CMC1: variants seen among roughly 807,000 people sequenced by gnomAD.
CMC1 encodes C-X9-C motif containing 1, also known as COX assembly mitochondrial protein homolog.
In CMC1, 14 loss-of-function variants were observed where a neutral mutation model predicts 14.1. That is an observed-to-expected ratio of 0.99 (90% confidence interval 0.66 to 1.55). The LOEUF (loss-of-function observed/expected upper bound fraction) is 1.55. CMC1 is among the 40% of genes most tolerant of loss of function. The pLI is 0.00. For missense variants in CMC1, 127 were observed against 123.8 expected, an observed-to-expected ratio of 1.03 and a Z score of -0.12; for synonymous variants, 50 against 38.4, an observed-to-expected ratio of 1.30 and a Z score of -1.12.
intron 2 of CMC1, among the ~76,000 whole-genome samples, chr3:28,285,793 G>A (rs1302466918): frequency 6.8e-6 from 1 of 147,710 alleles, no homozygotes; most frequent in East Asian, 2.0e-4. Context: ...TTGAGACAGA[G>A]TCTTGCTCTG....
Position 28,256,611 on chromosome 3 carries a change from A to G in CMC1, c.20-6680A>G, listed in dbSNP as rs542487012. Among the ~76,000 whole-genome samples the G allele has an allele frequency of 3.1e-4, 47 of 152,280 alleles. No homozygotes were observed. In the South Asian group the frequency reaches 9.3e-3, roughly 30 times the overall value. ...GAGAATAATCTTTGTTTTATACACA[A>G]TGTTCTAGATAATATAAAGGGAGAG... On this transcript the variant is annotated intron_variant, in intron 1 of 3. Coordinates refer to ENST00000466830, the MANE Select transcript of CMC1 (RefSeq NM_182523.2).
intron 2 of CMC1, among the ~76,000 whole-genome samples, chr3:28,306,310 A>G (rs1368143544): frequency 6.6e-6 from 1 of 152,136 alleles, no homozygotes; most frequent in Non-Finnish European, 1.5e-5. Flanking sequence ...GACACTTTCA[A>G]TCCATGAGCA....
At chr3:28,305,451 G>T (rs927070075) in intron 2 of CMC1, among the ~76,000 whole-genome samples, 4 of 152,134 alleles carry the variant, frequency 2.6e-5, no homozygotes, top group African/African-American at 9.7e-5. Flanking sequence ...CCAGTAGTGG[G>T]ATTATCCAGT....
At position 28,283,403 on chromosome 3, in the gene CMC1, C is replaced by T. The variant is rs150159557; in HGVS notation, c.109+20023C>T. 9.3e-3 allele frequency among the ~76,000 whole-genome samples: 1,413 copies of T among 151,986 alleles called. 16 individuals carry two copies. The highest frequency in any genetic ancestry group is 0.023 in the African/African-American group (974 of 41,450). On this transcript the variant is annotated intron_variant, in intron 2 of 3. Transcript: ENST00000466830. The stretch of plus-strand genomic sequence containing the variant: ...GTGTCATGGCGCATGCCTGTAATCC[C>T]GGCTACTCAGGAGGCTGAAGCAAGA...
In CMC1 at chr3:28,267,798, T is replaced by C. The variant is rs370535720; in HGVS notation, c.109+4418T>C. ...AATGCTTAGAATGTTCTTTAGGAAG[T>C]TTACAGGCAGGTAATTATCAGAACA... On this transcript the variant is annotated intron_variant, in intron 2 of 3. Coordinates refer to ENST00000466830, the MANE Select transcript of CMC1 (RefSeq NM_182523.2). 5.9e-5 allele frequency among the ~76,000 whole-genome samples: 9 copies of C among 152,326 alleles called. No individual in the cohort carries two copies. In the South Asian group the frequency reaches 8.3e-4, roughly 14 times the overall value.
intron 3 of CMC1, chr3:28,317,154 C>G (rs995549182): frequency 6.6e-6 from 1 of 151,826 alleles, no homozygotes; most frequent in Non-Finnish European, 1.5e-5. Flanking sequence ...TGGTATGTAT[C>G]TTAGAGGATT....
chr3:28,257,664 G>A (rs535335148), intron 1 of CMC1, among the ~76,000 whole-genome samples: 18 of 152,110 alleles, frequency 1.2e-4, no homozygotes, highest in Admixed American at 7.2e-4. Context: ...GACTTTAGGC[G>A]CACGCCACCA....
chr3:28,306,705 C>T (rs1388950125), intron 2 of CMC1, among the ~76,000 whole-genome samples: 2 of 150,110 alleles, frequency 1.3e-5, no homozygotes, highest in African/African-American at 4.9e-5. Context: ...AGTGCAGTGG[C>T]ATGATCTCAG....
In CMC1 at chr3:28,316,413, C is replaced by G; in HGVS notation, c.190C>G (p.Leu64Val). ...RKENSALKEC[L>V]TAYYNDPAFY... ...AGAAAATTCTGCATTGAAAGAATGT[C>G]TAACTGCTTAGTAAGTAGTTGTCTC... The change falls in exon 3 of 4, where the codon CTA (leucine) becomes GTA (valine). Residue 64 changes from leucine to valine, a missense_variant. Leu to Val is a conservative substitution (Grantham distance 32, BLOSUM62 1). Transcript: ENST00000466830. The G allele has an allele frequency of 6.3e-7, 1 of 1,586,348 alleles. No individual in the cohort carries two copies. Among genetic ancestry groups the G allele is most frequent in the South Asian group, 1.1e-5 (1 of 87,740 alleles).
At chr3:28,282,354 G>A (rs1311787624) in intron 2 of CMC1, among the ~76,000 whole-genome samples, 1 of 152,186 alleles carries the variant, frequency 6.6e-6, no homozygotes, top group African/African-American at 2.4e-5. Context: ...GAGTGAGGCT[G>A]TTTTAAGAGA....
At position 28,302,210 on chromosome 3, in the gene CMC1, T is replaced by C. The variant is rs138009085; in HGVS notation, c.110-14123T>C. ...GTCCAACAGGTTCGTTTATTACTTG[T>C]GTCACTAAAAACACGGATCCTACTT... On this transcript the variant is annotated intron_variant, in intron 2 of 3. Coordinates refer to ENST00000466830, the MANE Select transcript of CMC1 (RefSeq NM_182523.2). Among the ~76,000 whole-genome samples, 41 of 152,318 alleles carry C rather than the reference T, an allele frequency of 2.7e-4. 2 individuals carry two copies. The highest frequency in any genetic ancestry group is 1.0e-3 in the South Asian group (5 of 4,832).
chr3:28,277,797 C>T (rs924436493), intron 2 of CMC1, among the ~76,000 whole-genome samples: 1 of 152,076 alleles, frequency 6.6e-6, no homozygotes, highest in Non-Finnish European at 1.5e-5. Context: ...AAAAAGGTCA[C>T]TGTGGTTAGC....
At chr3:28,317,756 A>G (rs1219194017) in intron 3 of CMC1, 1 of 152,030 alleles carries the variant, frequency 6.6e-6, no homozygotes, top group Non-Finnish European at 1.5e-5. Context: ...AGAAGGAATA[A>G]TTATATCTTA....
At chr3:28,305,371 A>G (rs183501268) in intron 2 of CMC1, among the ~76,000 whole-genome samples, 1 of 152,286 alleles carries the variant, frequency 6.6e-6, no homozygotes, top group Admixed American at 6.5e-5. Flanking sequence ...TGTTGTGAGT[A>G]GTGCCGCAAT....
intron 2 of CMC1, among the ~76,000 whole-genome samples, chr3:28,305,104 C>T (rs1352364131): frequency 6.6e-6 from 1 of 152,070 alleles, no homozygotes; most frequent in Non-Finnish European, 1.5e-5. Context: ...CCATTTTGGA[C>T]TCCCCAGTAT....
chr3:28,266,256 A>G (rs1238451163), intron 2 of CMC1, among the ~76,000 whole-genome samples: 1 of 152,200 alleles, frequency 6.6e-6, no homozygotes, highest in Non-Finnish European at 1.5e-5. Context: ...ATGTTTCATC[A>G]TTATATACCC....
chr3:28,270,920 C>CTTTTTTTTT (rs71087680), intron 2 of CMC1, among the ~76,000 whole-genome samples: 21 of 83,724 alleles, frequency 2.5e-4, no homozygotes, highest in African/African-American at 3.5e-4. Flanking sequence ...GAGTTAATTT[C>CTTTTTTTTT]TTTTTTTTTT....
intron 2 of CMC1, among the ~76,000 whole-genome samples, chr3:28,273,143 G>A (rs775129273): frequency 5.9e-5 from 9 of 152,114 alleles, no homozygotes; most frequent in Admixed American, 1.3e-4. Flanking sequence ...CTCTAAAACC[G>A]CCTGATTCTG....
At position 28,324,203 on chromosome 3, in the gene CMC1, C is replaced by T. The variant is rs374334581; in HGVS notation, c.*4574C>T. ...GAATTGTCTTCCAGAGAATTTCTGC[C>T]ATAAGAACTGTGTTCCTGAAAGCAT... On this transcript the variant is annotated 3_prime_UTR_variant, in exon 4 of 4. Transcript: ENST00000466830. 50 of 1,610,498 alleles carry T rather than the reference C, an allele frequency of 3.1e-5. No individual in the cohort carries two copies. The African/African-American group carries it at 5.5e-4, about 18-fold the overall frequency.
Sources: allele counts gnomAD v4.1 joint callset (sites outside exome capture counted in the v4.1 genomes callset), GRCh38; gene constraint gnomAD v4.1.1; transcripts MANE v1.5; gene names NCBI Gene and HGNC (gene_info 2026-07-23, HGNC 2026-07-21).